The following DNAH11 variants were observed in gnomAD, a reference collection of about 807,000 sequenced individuals.
DNAH11 encodes axonemal beta dynein heavy chain 11.
In DNAH11, 442 loss-of-function variants were observed where a neutral mutation model predicts 526.0. The observed-to-expected ratio is 0.84, with a 90% CI of 0.78 to 0.91. The LOEUF (loss-of-function observed/expected upper bound fraction) is 0.91. Ranked by LOEUF, DNAH11 falls within the 40% of genes least tolerant of loss-of-function variation. DNAH11 has a pLI of 0.00. For missense variants in DNAH11, 6,989 were observed against 5,448.7 expected (o/e 1.28, Z -8.90); for synonymous variants, 2,461 against 1,935.9 (o/e 1.27, Z -7.12).
At chr7:21,618,922 C>G (rs889449230) in intron 23 of DNAH11, among the ~76,000 whole-genome samples, 178 bp from the exon 24 acceptor site, 6 of 152,134 alleles carry the variant, frequency 3.9e-5, no homozygotes, top group Non-Finnish European at 7.3e-5. Context: ...CAGGTGACGC[C>G]TCAGGAATTG....
intron 7 of DNAH11, 81 bp downstream of exon 7, chr7:21,570,380 GT>G: frequency 8.6e-7 from 1 of 1,169,366 alleles, no homozygotes; most frequent in Non-Finnish European, 1.2e-6. Flanking sequence ...TCATGGAACA[GT>G]TTACTTTATA....
At chr7:21,547,231 T>C (rs1278461418) in intron 2 of DNAH11, among the ~76,000 whole-genome samples, 1 of 152,238 alleles carries the variant, frequency 6.6e-6, no homozygotes, top group African/African-American at 2.4e-5. Flanking sequence ...TTCCAGAGCA[T>C]GTGGCTCAGA....
intron 28 of DNAH11, among the ~76,000 whole-genome samples, chr7:21,652,538 TTA>T (rs1465563745): frequency 6.9e-6 from 1 of 144,482 alleles, no homozygotes; most frequent in African/African-American, 2.4e-5. Flanking sequence ...AAATATTAGT[TTA>T]TGGATTTTTT....
intron 55 of DNAH11, among the ~76,000 whole-genome samples, chr7:21,766,616 C>T (rs774733647): frequency 4.0e-5 from 6 of 151,884 alleles, no homozygotes; most frequent in African/African-American, 7.3e-5. Context: ...TATCATTCAG[C>T]GGCCATATGG....
At chr7:21,805,705 A>G (rs1176003029) in intron 62 of DNAH11, among the ~76,000 whole-genome samples, 1 of 152,228 alleles carries the variant, frequency 6.6e-6, no homozygotes, top group African/African-American at 2.4e-5. Flanking sequence ...TGTGTCTAAC[A>G]TATAGCAATA....
intron 40 of DNAH11, among the ~76,000 whole-genome samples, chr7:21,709,689 C>T (rs753351906): frequency 9.2e-5 from 14 of 152,110 alleles, no homozygotes; most frequent in Non-Finnish European, 1.6e-4. Context: ...ACTGTCTCAG[C>T]CTAGCTTCTG....
chr7:21,701,927 C>T lies in DNAH11; in HGVS notation c.6181-783C>T, dbSNP rs543439675. ...TGTTACTGTGTGGGTTGTAGCTGGA[C>T]GGTGAAAGAGGGCCAGTCCCGTGTA... On this transcript the variant is annotated intron_variant, in intron 36 of 81. Coordinates refer to ENST00000409508, the MANE Select transcript of DNAH11 (RefSeq NM_001277115.2). Among the ~76,000 whole-genome samples the T allele has an allele frequency of 2.4e-4, 36 of 150,442 alleles. 1 individual carries two copies. The highest frequency in any genetic ancestry group is 8.5e-4 in the African/African-American group (34 of 40,234).
chr7:21,719,219 C>T (rs1288492653), intron 43 of DNAH11, among the ~76,000 whole-genome samples: 1 of 152,104 alleles, frequency 6.6e-6, no homozygotes, highest in African/African-American at 2.4e-5. Flanking sequence ...AATTTCTCTT[C>T]TGTGGTTACT....
rs901662463 is a variant in DNAH11, at chr7:21,643,313, C to G, written c.4944+4248C>G. The stretch of plus-strand genomic sequence containing the variant: ...TATACTACCTTAAAATAACTGACAA[C>G]TTTGGGCAATCAAGGTGTTTTTAAC... On this transcript the variant is annotated intron_variant, in intron 28 of 81. Coordinates refer to ENST00000409508, the MANE Select transcript of DNAH11 (RefSeq NM_001277115.2). 2.6e-5 allele frequency among the ~76,000 whole-genome samples: 4 copies of G among 152,150 alleles called. 1 individual carries two copies.
At chr7:21,777,380 A>G (rs1787723842) in intron 56 of DNAH11, among the ~76,000 whole-genome samples, 2 of 151,926 alleles carry the variant, frequency 1.3e-5, no homozygotes, top group East Asian at 3.9e-4. Flanking sequence ...TAAAGCTGTT[A>G]TGAATACCCG....
chr7:21,751,817 T>C (rs1003991979), intron 54 of DNAH11, among the ~76,000 whole-genome samples: 1 of 152,156 alleles, frequency 6.6e-6, no homozygotes, highest in Non-Finnish European at 1.5e-5. Context: ...TTTTTCTCCA[T>C]CAAAAATAGG....
chr7:21,765,062 A>G (rs1433669539), intron 54 of DNAH11, among the ~76,000 whole-genome samples: 5 of 152,254 alleles, frequency 3.3e-5, no homozygotes, highest in Admixed American at 6.5e-5. Flanking sequence ...ACAGAAGATG[A>G]AAACATTGGT....
chr7:21,595,636 C>A (rs1332334850), intron 14 of DNAH11, among the ~76,000 whole-genome samples: 2 of 152,056 alleles, frequency 1.3e-5, no homozygotes, highest in African/African-American at 4.8e-5. Context: ...GTCAAGATTT[C>A]AGTTTTGGGC....
chr7:21,870,285 G>C (rs531486900), intron 73 of DNAH11, among the ~76,000 whole-genome samples: 1 of 152,226 alleles, frequency 6.6e-6, no homozygotes, highest in African/African-American at 2.4e-5. Flanking sequence ...TCCAGGCTCG[G>C]TGCCTTTGGC....
chr7:21,671,835 C>T (rs1782653108), intron 30 of DNAH11, among the ~76,000 whole-genome samples: 1 of 152,146 alleles, frequency 6.6e-6, no homozygotes, highest in Non-Finnish European at 1.5e-5. Context: ...CAGAGAAAAT[C>T]ATACTTAATG....
At chr7:21,681,722 A>C in intron 31 of DNAH11, 45 bp downstream of exon 31, 1 of 1,610,800 alleles carries the variant, frequency 6.2e-7, no homozygotes, top group Non-Finnish European at 8.5e-7. Flanking sequence ...TTGTTTCCTG[A>C]AAGTGGTGTT....
At chr7:21,564,038 A>G in intron 5 of DNAH11, 148 bp from the exon 6 acceptor site, 2 of 575,700 alleles carry the variant, frequency 3.5e-6, no homozygotes, top group East Asian at 2.9e-5. Flanking sequence ...TCGTGTGTAG[A>G]TTGTAGGATA....
At chr7:21,664,808 A>G (rs918610647) in intron 30 of DNAH11, among the ~76,000 whole-genome samples, 2 of 152,096 alleles carry the variant, frequency 1.3e-5, no homozygotes, top group Admixed American at 1.3e-4. Context: ...TTCTGATCAC[A>G]TTAGCAGGGT....
chr7:21,678,773 T>C (rs892661150), intron 30 of DNAH11, among the ~76,000 whole-genome samples: 7 of 152,280 alleles, frequency 4.6e-5, no homozygotes, highest in Admixed American at 4.6e-4. Flanking sequence ...TTTGACCTCC[T>C]TGGTGGTTGG....
Sources: allele counts gnomAD v4.1 joint callset (sites outside exome capture counted in the v4.1 genomes callset), GRCh38; gene constraint gnomAD v4.1.1; transcripts MANE v1.5; gene names NCBI Gene and HGNC (gene_info 2026-07-23, HGNC 2026-07-21).